Variants in LSAMP observed in about 807,000 individuals in gnomAD.
LSAMP encodes limbic system-associated membrane protein.
A neutral mutation model predicts 38.6 loss-of-function variants in LSAMP; 7 were observed. The observed-to-expected ratio is 0.18, with a 90% CI of 0.10 to 0.34. The LOEUF is 0.34. LSAMP is among the 10% of genes least tolerant of loss of function. The probability of loss-of-function intolerance (pLI) is 1.00; values close to 1 mark genes in which losing one functional copy is unlikely to be tolerated. For synonymous variants in LSAMP, 154 were observed against 166.8 expected, an observed-to-expected ratio of 0.92 and a Z score of 0.59; for missense variants, 313 against 420.0, an observed-to-expected ratio of 0.75 and a Z score of 2.23.
At chr3:116,173,588 C>A (rs1335994409) in intron 1 of LSAMP, among the ~76,000 whole-genome samples, 1 of 151,936 alleles carries the variant, frequency 6.6e-6, no homozygotes, top group Admixed American at 6.6e-5. Context: ...TGTGTGCAAA[C>A]CTATACACAT....
intron 3 of LSAMP, among the ~76,000 whole-genome samples, chr3:115,948,772 A>C (rs1242265997): frequency 6.6e-6 from 1 of 152,202 alleles, no homozygotes; most frequent in African/African-American, 2.4e-5. Context: ...AAAAGAAATA[A>C]CAAAGATCAG....
chr3:116,075,201 A>G (rs11925181), intron 2 of LSAMP, among the ~76,000 whole-genome samples: 3,692 of 146,816 alleles, frequency 0.025, 158 homozygotes, highest in African/African-American at 0.088. Context: ...GCAGTGGCCA[A>G]TCTCAGCTCA....
chr3:116,415,237 G>T (rs1410739803), intron 1 of LSAMP, among the ~76,000 whole-genome samples: 3 of 82,588 alleles, frequency 3.6e-5, no homozygotes, highest in African/African-American at 1.4e-4. Flanking sequence ...TTTTACAGAG[G>T]AAGAAATGAG....
intron 3 of LSAMP, among the ~76,000 whole-genome samples, chr3:115,913,896 G>A (rs1380283772): frequency 6.6e-6 from 1 of 152,056 alleles, no homozygotes; most frequent in African/African-American, 2.4e-5. Flanking sequence ...TGTATTAAAC[G>A]AATCATGTAT....
intron 1 of LSAMP, among the ~76,000 whole-genome samples, chr3:116,277,029 A>G (rs1231230434): frequency 6.6e-6 from 1 of 152,226 alleles, no homozygotes; most frequent in African/African-American, 2.4e-5. Flanking sequence ...CTCTAGATGA[A>G]TCAAGAACAG....
At chr3:116,320,141 G>A (rs115402741) in intron 1 of LSAMP, among the ~76,000 whole-genome samples, 1,575 of 152,252 alleles carry the variant, frequency 0.01, 32 homozygotes, top group African/African-American at 0.037. Flanking sequence ...GAGGCAGGAC[G>A]TGGTGGCTCA....
At chr3:116,235,168 A>G (rs2046449626) in intron 1 of LSAMP, among the ~76,000 whole-genome samples, 2 of 144,152 alleles carry the variant, frequency 1.4e-5, no homozygotes, top group Admixed American at 1.4e-4. Context: ...TTTATTTATT[A>G]TTATAAATAA....
chr3:116,358,860 T>C (rs2048263088), intron 1 of LSAMP, among the ~76,000 whole-genome samples: 1 of 152,200 alleles, frequency 6.6e-6, no homozygotes. Flanking sequence ...AACAAACATG[T>C]ATTTGGTAAT....
chr3:116,334,238 TTAAG>T (rs1392582239), intron 1 of LSAMP, among the ~76,000 whole-genome samples: 1 of 152,092 alleles, frequency 6.6e-6, no homozygotes, highest in Non-Finnish European at 1.5e-5. Flanking sequence ...AGCAAGGATA[TTAAG>T]TTAGTAATCA....
intron 1 of LSAMP, among the ~76,000 whole-genome samples, chr3:116,262,674 G>T (rs911757644): frequency 3.3e-5 from 5 of 152,138 alleles, no homozygotes; most frequent in African/African-American, 9.7e-5. Context: ...AGCTATCATT[G>T]CACAGAAAAG....
At chr3:116,159,948 G>A (rs1267841435) in intron 1 of LSAMP, among the ~76,000 whole-genome samples, 1 of 152,120 alleles carries the variant, frequency 6.6e-6, no homozygotes, top group African/African-American at 2.4e-5. Flanking sequence ...AGAGCTTCAG[G>A]CCATTAACCT....
intron 1 of LSAMP, among the ~76,000 whole-genome samples, chr3:116,390,164 CATTT>C (rs1349685113): frequency 2.7e-5 from 4 of 150,152 alleles, no homozygotes; most frequent in African/African-American, 9.9e-5. Flanking sequence ...CACACACACA[CATTT>C]AGTTACATTC....
At chr3:116,331,566 AC>A (rs1447141436) in intron 1 of LSAMP, among the ~76,000 whole-genome samples, 1 of 152,174 alleles carries the variant, frequency 6.6e-6, no homozygotes, top group Non-Finnish European at 1.5e-5. Context: ...AAACTTGGAT[AC>A]CAGAAGGCAG....
At chr3:116,428,391 G>T (rs1002767421) in intron 1 of LSAMP, among the ~76,000 whole-genome samples, 2 of 152,102 alleles carry the variant, frequency 1.3e-5, no homozygotes, top group African/African-American at 4.8e-5. Context: ...CTGGGAGGGG[G>T]CGGTTGCAGT....
At chr3:115,937,978 G>T (rs544635393) in intron 3 of LSAMP, among the ~76,000 whole-genome samples, 1 of 152,168 alleles carries the variant, frequency 6.6e-6, no homozygotes, top group South Asian at 2.1e-4. Context: ...TGGAAGAAAA[G>T]GTTTTTATTT....
At chr3:116,405,568 C>A (rs2048887966) in intron 1 of LSAMP, among the ~76,000 whole-genome samples, 1 of 151,356 alleles carries the variant, frequency 6.6e-6, no homozygotes, top group Admixed American at 6.6e-5. Context: ...AAATGAACAA[C>A]AAGAAAAAAA....
chr3:116,413,025 T>C (rs1268543412), intron 1 of LSAMP, among the ~76,000 whole-genome samples: 4 of 152,112 alleles, frequency 2.6e-5, no homozygotes, highest in Admixed American at 2.6e-4. Context: ...CAGCCACGAC[T>C]TCACCTGGGA....
intron 1 of LSAMP, among the ~76,000 whole-genome samples, chr3:116,130,675 C>T (rs1239152302): frequency 1.3e-5 from 2 of 151,978 alleles, no homozygotes; most frequent in East Asian, 3.9e-4. Context: ...TCTCACTCTC[C>T]CTATTTTTAA....
At chr3:116,439,268 A>G (rs1211784537) in intron 1 of LSAMP, among the ~76,000 whole-genome samples, 2 of 151,928 alleles carry the variant, frequency 1.3e-5, no homozygotes, top group Admixed American at 6.6e-5. Context: ...AAGTCTTATT[A>G]AAATGTGGAC....
Sources: gnomAD v4.1 joint callset for allele counts (sites outside exome capture counted in the v4.1 genomes callset) on GRCh38, gnomAD v4.1.1 for gene constraint, MANE v1.5 for transcripts, NCBI Gene and HGNC (gene_info 2026-07-23, HGNC 2026-07-21) for gene names.